Variants in ASCC3 observed in about 807,000 individuals in gnomAD.
The protein encoded by ASCC3 is activating signal cointegrator 1 complex subunit 3, also known as ASC-1 complex subunit P200.
In ASCC3, 158 loss-of-function variants were observed where a neutral mutation model predicts 256.3. That is an observed-to-expected ratio of 0.62 (90% CI 0.54 to 0.70). The LOEUF (loss-of-function observed/expected upper bound fraction) is 0.70, where lower values mean the gene tolerates loss of function less well. ASCC3 is among the 30% of genes least tolerant of loss of function. ASCC3 has a pLI of 0.00. For missense variants in ASCC3, 2,259 were observed against 2,626.0 expected, an observed-to-expected ratio of 0.86 and a Z score of 3.05; for synonymous variants, 948 against 883.4, an observed-to-expected ratio of 1.07 and a Z score of -1.30.
intron 11 of ASCC3, among the ~76,000 whole-genome samples, chr6:100,724,911 TCA>T (rs1779553855): frequency 1.3e-5 from 2 of 151,950 alleles, no homozygotes; most frequent in East Asian, 3.9e-4. Flanking sequence ...CTACTCTAAA[TCA>T]CAGTCTATGA....
At chr6:100,684,540 T>C (rs890987412) in intron 13 of ASCC3, among the ~76,000 whole-genome samples, 1 of 152,182 alleles carries the variant, frequency 6.6e-6, no homozygotes, top group African/African-American at 2.4e-5. Context: ...ATTAGCACCA[T>C]TATTAGGTCG....
At chr6:100,707,560 A>G (rs972778343) in intron 13 of ASCC3, among the ~76,000 whole-genome samples, 2 of 152,076 alleles carry the variant, frequency 1.3e-5, no homozygotes, top group Admixed American at 6.6e-5. Context: ...CTTTTGTATT[A>G]ATCTATTTAT....
Position 100,606,747 on chromosome 6 carries a change from G to A in ASCC3, c.5037C>T (p.Pro1679=). ...DGKTRRYVDF[P]ITDVLQMMGR... ...TGAATTTAAGAAAATTACCTGTAATGGGAAAATCCACATAACGTCTTGTTT... is the reference window on the plus strand; with the variant it reads ...TGAATTTAAGAAAATTACCTGTAATAGGAAAATCCACATAACGTCTTGTTT... Residue 1679 remains proline (P), a synonymous_variant, in exon 32 of 42, where the codon CCC becomes CCT. Coordinates refer to ENST00000369162, the MANE Select transcript of ASCC3 (RefSeq NM_006828.4). The A allele has an allele frequency of 6.3e-7, 1 of 1,599,722 alleles. No individual in the cohort carries two copies. Among genetic ancestry groups the A allele is most frequent in the African/African-American group, 1.3e-5 (1 of 74,200 alleles).
chr6:100,590,333 CA>C (rs1771938046), intron 34 of ASCC3, among the ~76,000 whole-genome samples: 1 of 151,984 alleles, frequency 6.6e-6, no homozygotes, highest in Non-Finnish European at 1.5e-5. Context: ...GCATTCTAAC[CA>C]AGTCTTAATA....
At chr6:100,855,297 TG>T (rs1562347041) in intron 3 of ASCC3, among the ~76,000 whole-genome samples, 2 of 152,064 alleles carry the variant, frequency 1.3e-5, no homozygotes, top group Non-Finnish European at 2.9e-5. Context: ...TTGTATTTTT[TG>T]TAGAGATGGG....
rs894767609 is a variant in ASCC3 at position 100,655,588 on chromosome 6, T to C, written c.2823+111A>G. On this transcript the variant is annotated intron_variant, in intron 17 of 41. Coordinates refer to ENST00000369162, the MANE Select transcript of ASCC3 (RefSeq NM_006828.4). ...AATATTAAATCTCTTGTTTTTCTTC[T>C]AGGTACCTCTTTTCAGATGAGGCAA... is the stretch of plus-strand genomic sequence containing the variant. 1.0e-5 allele frequency: 13 copies of C among 1,250,122 alleles called. No homozygotes were observed. The African/African-American group carries it at 1.2e-4, about 12-fold the overall frequency. The allele number at this position is 1,250,122 out of a possible 1,614,324, so 77.4% of individuals were successfully genotyped here.
chr6:100,725,802 A>T (rs1366897797), intron 10 of ASCC3, 99 bp from the exon 11 acceptor site: 1 of 1,222,000 alleles, frequency 8.2e-7, no homozygotes, highest in African/African-American at 1.5e-5. Flanking sequence ...CCTCTACATA[A>T]ATCAAATAAA....
intron 10 of ASCC3, among the ~76,000 whole-genome samples, chr6:100,731,023 C>G (rs6925086): frequency 0.94 from 143,105 of 152,190 alleles, 67,594 homozygotes; most frequent in South Asian, 0.99. Context: ...AAAGCTAAAG[C>G]ACAAAGAGTG....
At chr6:100,589,852 A>G (rs1043327745) in intron 35 of ASCC3, 84 bp from the exon 36 acceptor site, 13 of 1,596,676 alleles carry the variant, frequency 8.1e-6, no homozygotes, top group Non-Finnish European at 1.0e-5. Flanking sequence ...TGCTTTTGAA[A>G]CAATTTTTTA....
chr6:100,729,376 G>T (rs368294547), intron 10 of ASCC3, among the ~76,000 whole-genome samples: 1 of 152,108 alleles, frequency 6.6e-6, no homozygotes, highest in African/African-American at 2.4e-5. Context: ...AGAAGATCTC[G>T]AACAAAGATC....
At chr6:100,819,447 G>C (rs1322251709) in intron 4 of ASCC3, among the ~76,000 whole-genome samples, 1 of 152,166 alleles carries the variant, frequency 6.6e-6, no homozygotes, top group East Asian at 1.9e-4. Flanking sequence ...ACGATCACAA[G>C]GTGAAGTCCC....
chr6:100,514,108 A>T (rs1773906726), intron 39 of ASCC3, among the ~76,000 whole-genome samples: 1 of 152,184 alleles, frequency 6.6e-6, no homozygotes. Flanking sequence ...GGAATTAAAA[A>T]AAATGTAAAT....
intron 3 of ASCC3, chr6:100,859,302 T>C: frequency 1.3e-6 from 1 of 770,226 alleles, no homozygotes; most frequent in Non-Finnish European, 2.4e-6. Context: ...ATAACTTCTC[T>C]GATATAGTCA....
chr6:100,612,222 G>A (rs1481034422), intron 30 of ASCC3, among the ~76,000 whole-genome samples: 2 of 151,862 alleles, frequency 1.3e-5, no homozygotes, highest in African/African-American at 4.8e-5. Flanking sequence ...ACATTACTCT[G>A]TGCCTGAAAT....
chr6:100,810,142 A>G (rs975924071), intron 4 of ASCC3, among the ~76,000 whole-genome samples: 1 of 151,928 alleles, frequency 6.6e-6, no homozygotes, highest in Non-Finnish European at 1.5e-5. Flanking sequence ...GCTTTCCCCA[A>G]CTCATAAGTC....
At chr6:100,779,702 C>T (rs1027762107) in intron 8 of ASCC3, among the ~76,000 whole-genome samples, 8 of 152,082 alleles carry the variant, frequency 5.3e-5, no homozygotes, top group African/African-American at 1.9e-4. Context: ...GCCTTAGAGA[C>T]CTTGGGACAG....
At chr6:100,794,666 T>C (rs1043536276) in intron 8 of ASCC3, among the ~76,000 whole-genome samples, 3 of 152,130 alleles carry the variant, frequency 2.0e-5, no homozygotes, top group East Asian at 1.9e-4. Context: ...GCTAGGCTCA[T>C]AGAAAACTTA....
At chr6:100,674,696 G>A (rs1035746137) in intron 14 of ASCC3, among the ~76,000 whole-genome samples, 2 of 148,896 alleles carry the variant, frequency 1.3e-5, no homozygotes, top group Non-Finnish European at 3.0e-5. Context: ...GCAGTGGCGC[G>A]ATCTTGGCTC....
intron 30 of ASCC3, among the ~76,000 whole-genome samples, chr6:100,607,778 C>T (rs1279806804): frequency 6.6e-6 from 1 of 151,412 alleles, no homozygotes; most frequent in Non-Finnish European, 1.5e-5. Context: ...ATATTAGCAT[C>T]TCAATGTTAC....
Sources: allele counts gnomAD v4.1 joint callset (sites outside exome capture counted in the v4.1 genomes callset), GRCh38; gene constraint gnomAD v4.1.1; transcripts MANE v1.5; gene names NCBI Gene and HGNC (gene_info 2026-07-23, HGNC 2026-07-21).